The following SEC62 variants were observed in gnomAD, a reference collection of about 807,000 sequenced individuals.
The protein encoded by SEC62 is translocation protein SEC62.
A neutral mutation model predicts 47.5 loss-of-function variants in SEC62; 10 were observed. The observed-to-expected ratio is 0.21, with a 90% CI of 0.13 to 0.36. SEC62 has a LOEUF of 0.36. Among genes scored for constraint, SEC62 ranks in the 10% least tolerant of loss-of-function variants. SEC62 has a pLI of 1.00. For missense variants in SEC62, 327 were observed against 464.1 expected (o/e 0.70, Z 2.71); for synonymous variants, 136 against 150.5 (o/e 0.90, Z 0.71).
At position 169,993,012 on chromosome 3, in the gene SEC62, G is replaced by A; in HGVS notation, c.1149G>A (p.Glu383=). The A allele has an allele frequency of 1.9e-6, 3 of 1,611,556 alleles. No individual in the cohort carries two copies. The highest frequency in any genetic ancestry group is 1.1e-5 in the South Asian group (1 of 90,542). The change falls in exon 8 of 8, where the codon GAG becomes GAA. Residue 383 remains glutamate (E), a synonymous_variant. Coordinates refer to ENST00000337002, the MANE Select transcript of SEC62 (RefSeq NM_003262.4). ...QQTDGDCEED[E]EEENDGETPK... is the part of the protein sequence containing the mutation. ...CAGATGGGGATTGTGAAGAGGATGAGGAAGAGGAAAATGATGGAGAAACAC... is the reference window on the plus strand; with the variant it reads ...CAGATGGGGATTGTGAAGAGGATGAAGAAGAGGAAAATGATGGAGAAACAC...
rs1189959969 is a variant in SEC62, at chr3:169,997,025, G to A, written c.*3962G>A. 6.6e-6 allele frequency: 1 copy of A among 152,240 alleles called. No homozygotes were observed. Among genetic ancestry groups the A allele is most frequent in the African/African-American group, 2.4e-5 (1 of 41,470 alleles). 9.4% of individuals were successfully genotyped at this position (152,240 alleles called of 1,614,324 possible). The stretch of plus-strand genomic sequence containing the variant: ...AAGATCTCATAACTTTATACAGCAT[G>A]TTGTAAGCATTTTGATAACTAAAAT... On this transcript the variant is annotated 3_prime_UTR_variant, in exon 8 of 8. Coordinates refer to ENST00000337002, the MANE Select transcript of SEC62 (RefSeq NM_003262.4).
rs1715395325 is a variant in SEC62, at chr3:169,997,105, G to A, written c.*4042G>A. 6.6e-6 allele frequency: 1 copy of A among 152,188 alleles called. No individual in the cohort carries two copies. Among genetic ancestry groups the A allele is most frequent in the Non-Finnish European group, 1.5e-5 (1 of 68,040 alleles). The allele number at this position is 152,188 out of a possible 1,614,324, so 9.4% of individuals were successfully genotyped here. On this transcript the variant is annotated 3_prime_UTR_variant, in exon 8 of 8. Coordinates refer to ENST00000337002, the MANE Select transcript of SEC62 (RefSeq NM_003262.4). Reference sequence around the variant, plus strand: ...TACACAAGGAGATTAATTTAAATTTGCCTTCTTTGGCAAGCCCTTAAACCA... The same window carrying A: ...TACACAAGGAGATTAATTTAAATTTACCTTCTTTGGCAAGCCCTTAAACCA...
At chr3:169,978,088 G>A (rs1313047939) in intron 3 of SEC62, among the ~76,000 whole-genome samples, 2 of 152,118 alleles carry the variant, frequency 1.3e-5, no homozygotes, top group Non-Finnish European at 2.9e-5. Context: ...GACCATTCTG[G>A]CTAACAAGGT....
intron 6 of SEC62, among the ~76,000 whole-genome samples, chr3:169,986,709 A>C (rs1356008216): frequency 1.3e-5 from 2 of 152,090 alleles, no homozygotes; most frequent in African/African-American, 4.8e-5. Context: ...TTAGATGAAG[A>C]CTTAATTTTC....
At chr3:169,969,515 G>A (rs1714643464) in intron 1 of SEC62, 1 of 325,444 alleles carries the variant, frequency 3.1e-6, no homozygotes, top group African/African-American at 2.2e-5. Context: ...TTGTTTGGAA[G>A]CCTTTTTCAT....
At chr3:169,971,989 G>C (rs12632675) in intron 1 of SEC62, among the ~76,000 whole-genome samples, 43,861 of 151,984 alleles carry the variant, frequency 0.29, 7,681 homozygotes, top group African/African-American at 0.49. Flanking sequence ...TGAGTTCTAT[G>C]TGTTCTACAT....
Position 169,994,238 on chromosome 3 carries a change from A to C in SEC62, c.*1175A>C, listed in dbSNP as rs544677328. On this transcript the variant is annotated 3_prime_UTR_variant, in exon 8 of 8. Transcript: ENST00000337002. ...TTTGCAGTTTGACTTTACGTCTTAT[A>C]CATCTTAGTTACAAGTCTTTGGAAA... The C allele has an allele frequency of 3.5e-4, 54 of 152,752 alleles. No individual in the cohort carries two copies. The highest frequency in any genetic ancestry group is 1.3e-3 in the African/African-American group (52 of 41,580). The allele number at this position is 152,752 out of a possible 1,614,324, so 9.5% of individuals were successfully genotyped here. A position where few individuals can be genotyped will look rare whatever the true frequency, so the allele number is the denominator to read the frequency against.
Position 169,991,983 on chromosome 3 carries a change from GT to G in SEC62, c.731-606del, listed in dbSNP as rs1323872143. Among the ~76,000 whole-genome samples, 4 of 152,126 alleles carry G rather than the reference GT, an allele frequency of 2.6e-5. No homozygotes were observed. The East Asian group carries it at 5.8e-4, about 22-fold the overall frequency. On this transcript the variant is annotated intron_variant, in intron 7 of 7. Coordinates refer to ENST00000337002, the MANE Select transcript of SEC62 (RefSeq NM_003262.4). Reference sequence around the variant, plus strand: ...TGTATAGAAAATATAATATTTAATAGTTTTTGTGGAGTAAGTGCCTTACAAA... The same window carrying G: ...TGTATAGAAAATATAATATTTAATAGTTTTGTGGAGTAAGTGCCTTACAAA...
intron 7 of SEC62, among the ~76,000 whole-genome samples, chr3:169,989,975 GAA>G (rs1471364175): frequency 9.6e-5 from 14 of 145,270 alleles, no homozygotes; most frequent in Admixed American, 8.3e-4. Flanking sequence ...TATTATATAT[GAA>G]TATATATGAT....
chr3:169,979,761 TCCCAGTTTGGCC>T (rs1365913980), intron 3 of SEC62, among the ~76,000 whole-genome samples: 1 of 152,208 alleles, frequency 6.6e-6, no homozygotes, highest in Non-Finnish European at 1.5e-5. Context: ...AGTTAGTACC[TCCCAGTTTGGCC>T]CTTAACTATT....
intron 1 of SEC62, among the ~76,000 whole-genome samples, chr3:169,974,573 G>A (rs1233840744): frequency 1.3e-5 from 2 of 151,938 alleles, no homozygotes; most frequent in African/African-American, 4.8e-5. Context: ...AGCAGAGAAG[G>A]ATTAAAACGG....
Position 169,993,242 on chromosome 3 carries a change from G to A in SEC62, c.*179G>A. 1 of 576,154 alleles carries A rather than the reference G, an allele frequency of 1.7e-6. No homozygotes were observed. Among genetic ancestry groups the A allele is most frequent in the Non-Finnish European group, 3.0e-6 (1 of 328,802 alleles). The allele number at this position is 576,154 out of a possible 1,614,324, so 35.7% of individuals were successfully genotyped here. A position where few individuals can be genotyped will look rare whatever the true frequency, so the allele number is the denominator to read the frequency against. ...TTTATAGAATATTGGCACTATTATT[G>A]GTACAGTTTAAAGCCATTAATATGT... On this transcript the variant is annotated 3_prime_UTR_variant, in exon 8 of 8. Transcript: ENST00000337002.
In SEC62 at chr3:169,973,759, G is replaced by C. The variant is rs556719645; in HGVS notation, c.37-1849G>C. On this transcript the variant is annotated intron_variant, in intron 1 of 7. Coordinates refer to ENST00000337002, the MANE Select transcript of SEC62 (RefSeq NM_003262.4). ...TGGTTTTTATAGTAGCCTTCTTTTG[G>C]GTTGAGTGATTTGGGCTCTTAATTT... Among the ~76,000 whole-genome samples, 27 of 152,150 alleles carry C rather than the reference G, an allele frequency of 1.8e-4. No individual in the cohort carries two copies. The South Asian group carries it at 5.6e-3, about 32-fold the overall frequency.
At chr3:169,975,767 A>G in intron 2 of SEC62, 51 bp downstream of exon 2, 1 of 1,282,098 alleles carries the variant, frequency 7.8e-7, no homozygotes, top group Non-Finnish European at 1.1e-6. Flanking sequence ...TATGAAGTTA[A>G]CCTACATTTG....
intron 5 of SEC62, among the ~76,000 whole-genome samples, chr3:169,984,556 G>A (rs978058836): frequency 6.6e-6 from 1 of 152,184 alleles, no homozygotes; most frequent in Non-Finnish European, 1.5e-5. Context: ...CTGAGCAAAC[G>A]CATGGGTGCT....
At chr3:169,989,923 T>G (rs1219178716) in intron 7 of SEC62, among the ~76,000 whole-genome samples, 2 of 148,780 alleles carry the variant, frequency 1.3e-5, no homozygotes, top group Admixed American at 1.3e-4. Flanking sequence ...CTTTGAAGTC[T>G]TTATATATAT....
chr3:169,991,817 T>G (rs958383301), intron 7 of SEC62, among the ~76,000 whole-genome samples: 1 of 152,226 alleles, frequency 6.6e-6, no homozygotes, highest in African/African-American at 2.4e-5. Flanking sequence ...TGGACCAAGA[T>G]ACATATAGGG....
chr3:169,984,106 G>A (rs1166289341), intron 5 of SEC62, among the ~76,000 whole-genome samples: 1 of 152,130 alleles, frequency 6.6e-6, no homozygotes, highest in African/African-American at 2.4e-5. Flanking sequence ...ATCCTTTCCT[G>A]TTATACCTAT....
At position 169,997,459 on chromosome 3, in the gene SEC62, GTTT is replaced by G; in HGVS notation, c.*4402_*4404del. The G allele has an allele frequency of 6.6e-6, 1 of 151,734 alleles. No individual in the cohort carries two copies. The highest frequency in any genetic ancestry group is 2.1e-4 in the South Asian group (1 of 4,788). 9.4% of individuals were successfully genotyped at this position (151,734 alleles called of 1,614,324 possible). ...TGTCATGGACTCCTCAGAATAATGGGTTTTTTTTGTTTGTTTGTTTGTTTGAGA... is the reference window on the plus strand; with the variant it reads ...TGTCATGGACTCCTCAGAATAATGGGTTTTTGTTTGTTTGTTTGTTTGAGA... On this transcript the variant is annotated 3_prime_UTR_variant, in exon 8 of 8. Transcript: ENST00000337002.
Sources: allele counts gnomAD v4.1 joint callset (sites outside exome capture counted in the v4.1 genomes callset), GRCh38; gene constraint gnomAD v4.1.1; transcripts MANE v1.5; gene names NCBI Gene and HGNC (gene_info 2026-07-23, HGNC 2026-07-21).